CDCA7L: variants seen among roughly 807,000 people sequenced by gnomAD.
The protein encoded by CDCA7L is cell division cycle associated 7 like, also known as cell division cycle-associated 7-like protein.
Under a neutral mutation model 57.4 loss-of-function variants are expected in CDCA7L, and 44 were observed. The ratio of observed to expected loss-of-function variants is 0.77; its 90% CI spans 0.60 to 0.98. The LOEUF (loss-of-function observed/expected upper bound fraction) is 0.98, where lower values mean the gene tolerates loss of function less well. Among genes scored for constraint, CDCA7L ranks in the 50% least tolerant of loss-of-function variants. The pLI, the probability that CDCA7L is intolerant of heterozygous loss-of-function variation, is 0.00. For missense variants in CDCA7L, 644 were observed against 580.6 expected (o/e 1.11, Z -1.12); for synonymous variants, 236 against 202.8 (o/e 1.16, Z -1.39).
intron 1 of CDCA7L, among the ~76,000 whole-genome samples, chr7:21,923,401 GAGGATCGGTTGAGCCC>G (rs1785725865): frequency 6.6e-6 from 1 of 152,136 alleles, no homozygotes; most frequent in South Asian, 2.1e-4. Context: ...GCTAAAATGG[GAGGATCGGTTGAGCCC>G]ATGAGTTAGA....
chr7:21,928,698 A>C (rs1785901874), intron 1 of CDCA7L, among the ~76,000 whole-genome samples: 1 of 151,904 alleles, frequency 6.6e-6, no homozygotes, highest in Admixed American at 6.6e-5. Context: ...AGAAGAAAGG[A>C]TATCAGAGAC....
chr7:21,912,001 C>G (rs1205727929), intron 2 of CDCA7L, among the ~76,000 whole-genome samples: 1 of 151,670 alleles, frequency 6.6e-6, no homozygotes, highest in African/African-American at 2.4e-5. Context: ...AGTGGCTCAC[C>G]CTGTAATCCC....
At chr7:21,908,108 G>A (rs764907610) in intron 4 of CDCA7L, 22 bp downstream of exon 4, 5 of 1,499,018 alleles carry the variant, frequency 3.3e-6, no homozygotes, top group African/African-American at 1.4e-5. Context: ...CAACTCCCAG[G>A]ACGCCCTCCG....
Position 21,905,674 on chromosome 7 carries a change from G to A in CDCA7L, c.922-43C>T, listed in dbSNP as rs780670670. ...GCAGAACATGGAGATGTGTTGAGCAGTTATAAAAAAATTATAAATATTTTA... is the reference window on the plus strand; with the variant it reads ...GCAGAACATGGAGATGTGTTGAGCAATTATAAAAAAATTATAAATATTTTA... On this transcript the variant is annotated intron_variant, in intron 6 of 9. Coordinates refer to ENST00000406877, the MANE Select transcript of CDCA7L (RefSeq NM_018719.5). The A allele has an allele frequency of 3.2e-6, 5 of 1,577,768 alleles. No individual in the cohort carries two copies. In the South Asian group the frequency reaches 5.9e-5, roughly 19 times the overall value.
At chr7:21,918,514 C>T (rs1050774414) in intron 1 of CDCA7L, among the ~76,000 whole-genome samples, 1 of 152,186 alleles carries the variant, frequency 6.6e-6, no homozygotes, top group Non-Finnish European at 1.5e-5. Flanking sequence ...CTCATCACTC[C>T]TTTATCTCTT....
chr7:21,932,501 A>G (rs1786047027), intron 1 of CDCA7L, among the ~76,000 whole-genome samples: 1 of 152,186 alleles, frequency 6.6e-6, no homozygotes, highest in Non-Finnish European at 1.5e-5. Flanking sequence ...AACACCACAC[A>G]TCTACAGCCA....
At chr7:21,927,684 T>C (rs1785870065) in intron 1 of CDCA7L, among the ~76,000 whole-genome samples, 1 of 152,146 alleles carries the variant, frequency 6.6e-6, no homozygotes, top group Non-Finnish European at 1.5e-5. Flanking sequence ...GCTCAAGGAA[T>C]TCCAAGTAGG....
intron 1 of CDCA7L, among the ~76,000 whole-genome samples, chr7:21,917,731 A>C (rs184646111): frequency 1.1e-3 from 167 of 152,342 alleles, no homozygotes; most frequent in East Asian, 8.5e-3. Context: ...GAAAATAGCA[A>C]TTTAATATGA....
intron 1 of CDCA7L, among the ~76,000 whole-genome samples, chr7:21,933,360 T>C (rs546266789): frequency 4.6e-5 from 7 of 152,326 alleles, no homozygotes; most frequent in South Asian, 2.1e-4. Flanking sequence ...TGTATGTTTA[T>C]TGTGGCACTG....
In CDCA7L at chr7:21,916,883, T is replaced by G. The variant is rs772671986; in HGVS notation, c.36A>C (p.Glu12Asp). Residue 12 changes from glutamate to aspartate, a missense_variant, in exon 2 of 10, where the codon GAA becomes GAC. Physicochemically the swap from Glu to Asp is conservative, Grantham distance 45. Coordinates refer to ENST00000406877, the MANE Select transcript of CDCA7L (RefSeq NM_018719.5). ...TGGGGGCGTTAAAGATGTCAGCCAC[T>G]TCTTTAGGGATCTGTTTTGGATTCA... ...ELATRYQIPK[E>D]VADIFNAPSD... The G allele has an allele frequency of 1.2e-6, 2 of 1,614,078 alleles. No homozygotes were observed. Among genetic ancestry groups the G allele is most frequent in the South Asian group, 2.2e-5 (2 of 91,082 alleles).
rs191657039 is a variant in CDCA7L, at chr7:21,945,889, C to G, written c.-85G>C. On this transcript the variant is annotated 5_prime_UTR_variant, in exon 1 of 10. Transcript: ENST00000406877. Reference sequence around the variant, plus strand: ...ACGGCCCGGCGCACCAAGAACGCCCCGCGCCCGAGCAGCTAGCGCGCTCCG... The same window carrying G: ...ACGGCCCGGCGCACCAAGAACGCCCGGCGCCCGAGCAGCTAGCGCGCTCCG... The G allele has an allele frequency of 5.1e-5, 73 of 1,441,938 alleles. No individual in the cohort carries two copies. Among genetic ancestry groups the G allele is most frequent in the Non-Finnish European group, 6.0e-5 (65 of 1,075,362 alleles). 89.3% of individuals were successfully genotyped at this position (1,441,938 alleles called of 1,614,324 possible). A position where few individuals can be genotyped will look rare whatever the true frequency, so the allele number is the denominator to read the frequency against.
chr7:21,905,791 C>G, intron 6 of CDCA7L, 160 bp from the exon 7 acceptor site: 1 of 774,194 alleles, frequency 1.3e-6, no homozygotes, highest in Non-Finnish European at 1.9e-6. Context: ...GAGCTCCTGC[C>G]ACCTGCCAAG....
rs768051788 is a variant in CDCA7L, at chr7:21,916,803, G to A, written c.116C>T (p.Ser39Leu). Residue 39 changes from serine to leucine, a missense_variant, in exon 2 of 10, where the codon TCG (serine) becomes TTG (leucine). Physicochemically the swap from Ser to Leu is moderately radical, Grantham distance 145. Transcript: ENST00000406877. The stretch of plus-strand genomic sequence containing the variant: ...AAAACTATCGCAGCTCTCCTCTGAC[G>A]AGAGGGTTTCCATGGGAACATCATC... ...FRDDVPMETL[S>L]SEESCDSFDS... 2.9e-5 allele frequency: 46 copies of A among 1,613,922 alleles called. No homozygotes were observed. Among genetic ancestry groups the A allele is most frequent in the Non-Finnish European group, 3.5e-5 (41 of 1,179,880 alleles).
chr7:21,900,921 A>ATGTT lies in CDCA7L; in HGVS notation c.*1397_*1400dup, dbSNP rs1268159136. On this transcript the variant is annotated 3_prime_UTR_variant, in exon 10 of 10. Coordinates refer to ENST00000406877, the MANE Select transcript of CDCA7L (RefSeq NM_018719.5). ...AAATATGACAAAACCAGAATGTTGA[A>ATGTT]TGTTTATTGCATCAAACAACTTACT... 9.8e-6 allele frequency: 14 copies of ATGTT among 1,435,104 alleles called. No homozygotes were observed. Among genetic ancestry groups the ATGTT allele is most frequent in the South Asian group, 3.1e-5 (2 of 64,930 alleles). The allele number at this position is 1,435,104 out of a possible 1,614,324, so 88.9% of individuals were successfully genotyped here.
At chr7:21,921,342 C>CAAAAAA (rs5882833) in intron 1 of CDCA7L, among the ~76,000 whole-genome samples, 3,097 of 121,346 alleles carry the variant, frequency 0.026, 108 homozygotes, top group Middle Eastern at 0.055. Flanking sequence ...CAAGATTTGC[C>CAAAAAA]AAAAAAAAAA....
At chr7:21,945,433 G>T (rs745767508) in intron 1 of CDCA7L, among the ~76,000 whole-genome samples, 6 of 151,804 alleles carry the variant, frequency 4.0e-5, no homozygotes, top group Non-Finnish European at 7.4e-5. Flanking sequence ...TGTGGGGAGT[G>T]CACAAAAAAA....
intron 1 of CDCA7L, among the ~76,000 whole-genome samples, chr7:21,929,322 G>A (rs958601274): frequency 1.1e-4 from 17 of 152,050 alleles, no homozygotes; most frequent in Admixed American, 8.5e-4. Flanking sequence ...ACATGGAAAC[G>A]AAAAACTGGT....
chr7:21,905,304 G>C (rs1023187539), intron 7 of CDCA7L, among the ~76,000 whole-genome samples: 1 of 152,016 alleles, frequency 6.6e-6, no homozygotes, highest in Non-Finnish European at 1.5e-5. Context: ...ATCCCTAAGA[G>C]AGACCGCCGT....
At chr7:21,929,128 C>T (rs1785915722) in intron 1 of CDCA7L, among the ~76,000 whole-genome samples, 1 of 152,116 alleles carries the variant, frequency 6.6e-6, no homozygotes, top group Admixed American at 6.5e-5. Flanking sequence ...CCCTACAAGC[C>T]AGAAGAGGGT....
Sources: allele counts gnomAD v4.1 joint callset (sites outside exome capture counted in the v4.1 genomes callset), GRCh38; gene constraint gnomAD v4.1.1; transcripts MANE v1.5; gene names NCBI Gene and HGNC (gene_info 2026-07-23, HGNC 2026-07-21).